The following RNF157 variants were observed in gnomAD, a reference collection of about 807,000 sequenced individuals.
The protein encoded by RNF157 is ring finger protein 157, also known as E3 ubiquitin ligase RNF157.
In RNF157, 55 loss-of-function variants were observed where a neutral mutation model predicts 88.3. The ratio of observed to expected loss-of-function variants is 0.62; its 90% CI spans 0.50 to 0.78. The LOEUF is 0.78. Among genes scored for constraint, RNF157 ranks in the 30% least tolerant of loss-of-function variants. The pLI is 0.00. For synonymous variants in RNF157, 334 were observed against 341.2 expected, an observed-to-expected ratio of 0.98 and a Z score of 0.23; for missense variants, 788 against 860.8, an observed-to-expected ratio of 0.92 and a Z score of 1.06.
At chr17:76,186,594 C>T (rs891073153) in intron 2 of RNF157, among the ~76,000 whole-genome samples, 12 of 152,166 alleles carry the variant, frequency 7.9e-5, no homozygotes, top group Non-Finnish European at 1.8e-4. Context: ...GTCAAGATTT[C>T]TCTCATATTC....
chr17:76,220,784 CCT>C (rs988138493), intron 1 of RNF157, among the ~76,000 whole-genome samples: 4 of 151,952 alleles, frequency 2.6e-5, no homozygotes, highest in Admixed American at 6.6e-5. Context: ...ATGGTGAAAC[CCT>C]GTCTCTACTA....
intron 1 of RNF157, chr17:76,226,923 TGCCGCTGCAGAGCCTGGTGCTGCTGCC>T (rs2070099377): frequency 1.3e-6 from 1 of 798,432 alleles, no homozygotes; most frequent in Non-Finnish European, 2.0e-6. Flanking sequence ...CGCTGGGGGG[TGCCGCTGCAGAGCCTGGTGCTGCTGCC>T]GCCGCTGCAA....
At chr17:76,185,793 A>G (rs1221747798) in intron 2 of RNF157, among the ~76,000 whole-genome samples, 1 of 152,024 alleles carries the variant, frequency 6.6e-6, no homozygotes, top group African/African-American at 2.4e-5. Flanking sequence ...CACACGAGCA[A>G]CCCATCCTCA....
chr17:76,154,959 A>G (rs558134435), intron 16 of RNF157, among the ~76,000 whole-genome samples: 25 of 152,358 alleles, frequency 1.6e-4, no homozygotes, highest in East Asian at 1.2e-3. Flanking sequence ...TACTAGTGGA[A>G]TGAAGGACAA....
Position 76,182,094 on chromosome 17 carries a change from C to T in RNF157, c.208-8304G>A, listed in dbSNP as rs188008977. Among the ~76,000 whole-genome samples the T allele has an allele frequency of 4.6e-5, 7 of 152,212 alleles. No individual in the cohort carries two copies. The East Asian group carries it at 1.4e-3, about 29-fold the overall frequency. On this transcript the variant is annotated intron_variant, in intron 2 of 18. Coordinates refer to ENST00000269391, the MANE Select transcript of RNF157 (RefSeq NM_052916.3). ...CGTCAAGCTTGCATCTGGTGCCCTG[C>T]ATGCTTGGATACAACATCCTCCTGG...
At chr17:76,239,958 G>T (rs966187954) in intron 1 of RNF157, among the ~76,000 whole-genome samples, 195 bp downstream of exon 1, 1 of 152,190 alleles carries the variant, frequency 6.6e-6, no homozygotes, top group Non-Finnish European at 1.5e-5. Context: ...CCGGCAGGAC[G>T]CCCCTTGGGC....
In RNF157 at chr17:76,155,329, C is replaced by T; in HGVS notation, c.1699-12G>A. 1.2e-6 allele frequency: 2 copies of T among 1,613,708 alleles called. No homozygotes were observed. The highest frequency in any genetic ancestry group is 1.7e-6 in the Non-Finnish European group (2 of 1,179,684). ...TCCGCTGGCAGCCCCTGCAGAAGAG[C>T]ACAGTTTTTACAGGCTCTTCCATAA... On this transcript the variant is annotated splice_polypyrimidine_tract_variant and intron_variant, in intron 15 of 18. Coordinates refer to ENST00000269391, the MANE Select transcript of RNF157 (RefSeq NM_052916.3).
intron 17 of RNF157, chr17:76,152,687 T>TCTG (rs1160803449): frequency 1.1e-4 from 55 of 482,790 alleles, no homozygotes; most frequent in Non-Finnish European, 2.0e-4. Context: ...GCCCTTTCTG[T>TCTG]CTGCTGCTCC....
At chr17:76,238,445 T>C (rs1366041959) in intron 1 of RNF157, among the ~76,000 whole-genome samples, 2 of 152,268 alleles carry the variant, frequency 1.3e-5, no homozygotes, top group Admixed American at 1.3e-4. Flanking sequence ...GGATTATTTA[T>C]TGAGTGTGCT....
At chr17:76,145,613 T>C (rs1377838256) in intron 18 of RNF157, 3 of 411,806 alleles carry the variant, frequency 7.3e-6, no homozygotes. Flanking sequence ...ACATGAAAGA[T>C]GTTCCTTGTT....
chr17:76,149,420 C>T (rs73996150), intron 18 of RNF157, among the ~76,000 whole-genome samples: 1,850 of 152,016 alleles, frequency 0.012, 38 homozygotes, highest in African/African-American at 0.042. Context: ...GCTGTTCTGA[C>T]GGGAGAGAGC....
chr17:76,180,103 C>A (rs1336395239), intron 2 of RNF157, among the ~76,000 whole-genome samples: 1 of 152,190 alleles, frequency 6.6e-6, no homozygotes, highest in Non-Finnish European at 1.5e-5. Flanking sequence ...CAGAGGGAGA[C>A]TGAGAAGCTT....
At chr17:76,228,110 C>T (rs1435015280) in intron 1 of RNF157, among the ~76,000 whole-genome samples, 1 of 151,972 alleles carries the variant, frequency 6.6e-6, no homozygotes, top group East Asian at 1.9e-4. Context: ...ATAAAAAAAA[C>T]CATTTATGGA....
At chr17:76,224,454 T>G (rs2070042538) in intron 1 of RNF157, among the ~76,000 whole-genome samples, 1 of 152,108 alleles carries the variant, frequency 6.6e-6, no homozygotes. Context: ...TTCATATATT[T>G]GAAAAAATCT....
chr17:76,212,721 G>A (rs1013303517), intron 1 of RNF157, among the ~76,000 whole-genome samples: 1 of 152,072 alleles, frequency 6.6e-6, no homozygotes, highest in Non-Finnish European at 1.5e-5. Context: ...AATTAGCCGG[G>A]TGTGGTGGCA....
chr17:76,176,789 G>T lies in RNF157; in HGVS notation c.208-2999C>A, dbSNP rs769037752. Among the ~76,000 whole-genome samples, 1 of 152,080 alleles carries T rather than the reference G, an allele frequency of 6.6e-6. No individual in the cohort carries two copies. The highest frequency in any genetic ancestry group is 2.4e-5 in the African/African-American group (1 of 41,368). On this transcript the variant is annotated intron_variant, in intron 2 of 18. Coordinates refer to ENST00000269391, the MANE Select transcript of RNF157 (RefSeq NM_052916.3). This position sits in a 1 kb window ranked among gnomAD's most constrained non-coding sequence, Gnocchi z 4.2. ...CCAGTGTCCCGCTTGCTCATGGAGC[G>T]CCAGGGCCAGGCCTGGGCGCGGAGC...
intron 1 of RNF157, among the ~76,000 whole-genome samples, chr17:76,234,284 C>T (rs1231685150): frequency 1.3e-5 from 2 of 152,150 alleles, no homozygotes; most frequent in Non-Finnish European, 2.9e-5. Context: ...TAGTTCTATT[C>T]ATCGGTTGAT....
intron 5 of RNF157, 107 bp downstream of exon 5, chr17:76,166,902 C>G (rs1226274869): frequency 8.5e-6 from 6 of 707,876 alleles, no homozygotes; most frequent in Non-Finnish European, 1.4e-5. Context: ...GAAAGGTAAG[C>G]ATGGCCTTCA....
intron 1 of RNF157, chr17:76,226,223 G>A (rs2070082210): frequency 1.6e-5 from 25 of 1,611,980 alleles, no homozygotes; most frequent in Non-Finnish European, 2.1e-5. Context: ...AGTGGAGTCC[G>A]GCTTCCTATC....
Sources: allele counts gnomAD v4.1 joint callset (sites outside exome capture counted in the v4.1 genomes callset), GRCh38; gene constraint gnomAD v4.1.1; non-coding constraint Gnocchi (gnomAD v3.1); transcripts MANE v1.5; gene names NCBI Gene and HGNC (gene_info 2026-07-23, HGNC 2026-07-21).